SPON1: variants seen among roughly 807,000 people sequenced by gnomAD.
SPON1 encodes spondin-1.
A neutral mutation model predicts 111.7 loss-of-function variants in SPON1; 52 were observed. The ratio of observed to expected loss-of-function variants is 0.47; its 90% CI spans 0.37 to 0.59. The LOEUF (loss-of-function observed/expected upper bound fraction) is 0.59, where lower values mean the gene tolerates loss of function less well. SPON1 is among the 20% of genes least tolerant of loss of function. The pLI is 0.00. For missense variants in SPON1, 957 were observed against 1,068.5 expected, an observed-to-expected ratio of 0.90 and a Z score of 1.46; for synonymous variants, 410 against 395.8, an observed-to-expected ratio of 1.04 and a Z score of -0.43.
chr11:13,981,868 T>C (rs1554909689), intron 1 of SPON1, among the ~76,000 whole-genome samples: 1 of 152,122 alleles, frequency 6.6e-6, no homozygotes, highest in African/African-American at 2.4e-5. Flanking sequence ...CAGAGTCTTC[T>C]GCTGGACCCT....
At chr11:14,201,098 T>C (rs1349894366) in intron 6 of SPON1, among the ~76,000 whole-genome samples, 3 of 151,964 alleles carry the variant, frequency 2.0e-5, no homozygotes, top group Non-Finnish European at 2.9e-5. Flanking sequence ...CCCAGCACTT[T>C]GGGAGGCCAG....
In SPON1 at chr11:14,262,743, G is replaced by A. The variant is rs782558027; in HGVS notation, c.2028G>A (p.Gln676=). The change falls in exon 15 of 16, where the codon CAG becomes CAA. Residue 676 remains glutamine (Q), a synonymous_variant. Coordinates refer to ENST00000576479, the MANE Select transcript of SPON1 (RefSeq NM_006108.4). ...PIDCELTEWS[Q]WSECNKSCGK... ...ACTGTGAGCTCACCGAGTGGTCCCA[G>A]TGGTCGGAATGTAACAAGTCATGTG... 11 of 1,613,978 alleles carry A rather than the reference G, an allele frequency of 6.8e-6. No homozygotes were observed. The Admixed American group carries it at 1.8e-4, about 27-fold the overall frequency.
chr11:14,128,319 G>C (rs1485915878), intron 5 of SPON1, among the ~76,000 whole-genome samples: 1 of 152,182 alleles, frequency 6.6e-6, no homozygotes, highest in Non-Finnish European at 1.5e-5. Flanking sequence ...TTGGGTAGAT[G>C]CTCCCATTCC....
Position 14,074,414 on chromosome 11 carries a change from C to A in SPON1, c.480-931C>A, listed in dbSNP as rs12270507. On this transcript the variant is annotated intron_variant, in intron 3 of 15. Coordinates refer to ENST00000576479, the MANE Select transcript of SPON1 (RefSeq NM_006108.4). ...CTGGGATCATGTGACACATGCAGATCATGTGACTCTAATACTCCTTCAGTG... is the reference window on the plus strand; with the variant it reads ...CTGGGATCATGTGACACATGCAGATAATGTGACTCTAATACTCCTTCAGTG... 4.9e-3 allele frequency among the ~76,000 whole-genome samples: 752 copies of A among 152,298 alleles called. 4 individuals are homozygous for A. The highest frequency in any genetic ancestry group is 0.017 in the African/African-American group (709 of 41,562).
intron 4 of SPON1, among the ~76,000 whole-genome samples, chr11:14,076,397 G>A (rs1848918417): frequency 6.6e-6 from 1 of 152,098 alleles, no homozygotes; most frequent in African/African-American, 2.4e-5. Context: ...AAGGTCTTCG[G>A]GGAAAACAAT....
chr11:14,014,354 G>A (rs1480621782), intron 2 of SPON1, among the ~76,000 whole-genome samples: 1 of 152,188 alleles, frequency 6.6e-6, no homozygotes, highest in Non-Finnish European at 1.5e-5. Flanking sequence ...TAACATTGTA[G>A]CATTTTACAA....
intron 6 of SPON1, among the ~76,000 whole-genome samples, chr11:14,139,919 C>T (rs147690867): frequency 1.7e-3 from 257 of 152,118 alleles, no homozygotes; most frequent in African/African-American, 6.0e-3. Context: ...TGTGGGAGAA[C>T]ATAACTTATT....
intron 14 of SPON1, among the ~76,000 whole-genome samples, chr11:14,261,523 A>G (rs1849182466): frequency 6.6e-6 from 1 of 152,232 alleles, no homozygotes; most frequent in Admixed American, 6.5e-5. Context: ...TGCTCTGAGG[A>G]TGAAACCAAG....
chr11:14,264,116 G>A (rs567720549), intron 15 of SPON1, among the ~76,000 whole-genome samples: 3 of 151,968 alleles, frequency 2.0e-5, no homozygotes, highest in Admixed American at 6.5e-5. Flanking sequence ...GACCATGATA[G>A]GTCCAAGTGA....
intron 6 of SPON1, among the ~76,000 whole-genome samples, chr11:14,206,508 C>A (rs1224308950): frequency 2.6e-5 from 4 of 152,090 alleles, no homozygotes; most frequent in South Asian, 4.1e-4. Context: ...TTATTTAGGT[C>A]TTCTGTTATT....
At chr11:14,120,954 A>G (rs1454237321) in intron 5 of SPON1, among the ~76,000 whole-genome samples, 1 of 152,210 alleles carries the variant, frequency 6.6e-6, no homozygotes, top group Non-Finnish European at 1.5e-5. Context: ...ATGTGATGAA[A>G]TCCTTAAGCC....
At chr11:14,014,519 T>C (rs1848430829) in intron 2 of SPON1, among the ~76,000 whole-genome samples, 1 of 152,166 alleles carries the variant, frequency 6.6e-6, no homozygotes, top group African/African-American at 2.4e-5. Flanking sequence ...TCTGATCAAG[T>C]GGTGGAGACT....
At chr11:14,042,248 G>A (rs890926519) in intron 3 of SPON1, among the ~76,000 whole-genome samples, 2 of 152,152 alleles carry the variant, frequency 1.3e-5, no homozygotes, top group Admixed American at 1.3e-4. Context: ...CCAAACTTAT[G>A]TGCCACAGAA....
intron 6 of SPON1, among the ~76,000 whole-genome samples, chr11:14,189,083 T>C (rs1848315933): frequency 6.6e-6 from 1 of 152,196 alleles, no homozygotes; most frequent in East Asian, 1.9e-4. Flanking sequence ...CAGAATCTAT[T>C]GTTAGGAAAT....
intron 6 of SPON1, among the ~76,000 whole-genome samples, chr11:14,178,074 A>ACACACACACACG (rs1380780129): frequency 2.0e-5 from 3 of 150,822 alleles, no homozygotes; most frequent in African/African-American, 7.4e-5. Context: ...ACACACACAC[A>ACACACACACACG]CGCTTTGGTC....
intron 5 of SPON1, among the ~76,000 whole-genome samples, chr11:14,123,208 C>T (rs1320003748): frequency 1.3e-5 from 2 of 152,052 alleles, no homozygotes; most frequent in Non-Finnish European, 2.9e-5. Context: ...GCTGGGATTA[C>T]AGGCATGAGC....
At chr11:14,097,272 A>G (rs1210814788) in intron 5 of SPON1, among the ~76,000 whole-genome samples, 1 of 152,220 alleles carries the variant, frequency 6.6e-6, no homozygotes, top group Non-Finnish European at 1.5e-5. Flanking sequence ...CCCTTTAATA[A>G]TAGGGAGTGC....
intron 2 of SPON1, among the ~76,000 whole-genome samples, chr11:14,020,380 TGAG>T (rs1259130503): frequency 1.3e-5 from 2 of 152,128 alleles, no homozygotes; most frequent in African/African-American, 4.8e-5. Context: ...GAGTTGGCAG[TGAG>T]GAGGTCAGAG....
intron 4 of SPON1, among the ~76,000 whole-genome samples, chr11:14,077,932 A>C (rs1054142069): frequency 2.6e-5 from 4 of 152,198 alleles, no homozygotes; most frequent in African/African-American, 9.6e-5. Flanking sequence ...GAAGAGGAAC[A>C]AAGAATACAG....
Sources: allele counts gnomAD v4.1 joint callset (sites outside exome capture counted in the v4.1 genomes callset), GRCh38; gene constraint gnomAD v4.1.1; transcripts MANE v1.5; gene names NCBI Gene and HGNC (gene_info 2026-07-23, HGNC 2026-07-21).